NEB: variants seen among roughly 807,000 people sequenced by gnomAD.
NEB encodes nemaline myopathy type 2.
Under a neutral mutation model 952.2 loss-of-function variants are expected in NEB, and 512 were observed. The ratio of observed to expected loss-of-function variants is 0.54; its 90% CI spans 0.50 to 0.58. The LOEUF (loss-of-function observed/expected upper bound fraction) is 0.58, where lower values mean the gene tolerates loss of function less well. Among genes scored for constraint, NEB ranks in the 20% least tolerant of loss-of-function variants. The pLI, the probability that NEB is intolerant of heterozygous loss-of-function variation, is 0.00. For missense variants in NEB, 8,428 were observed against 9,231.1 expected, an observed-to-expected ratio of 0.91 and a Z score of 3.56; for synonymous variants, 2,900 against 3,149.8, an observed-to-expected ratio of 0.92 and a Z score of 2.66.
rs1451770604 is a variant in NEB, at chr2:151,662,261, G to A, written c.5844C>T (p.Asn1948=). The change falls in exon 46 of 182, where the codon AAC becomes AAT. Residue 1948 remains asparagine, a synonymous_variant. Transcript: ENST00000397345. ...LPLGSLEAEK[N]KKAMEIISEK... Reference sequence around the variant, plus strand: ...CACTAATAATCTCCATGGCTTTCTTGTTTTTCTCTGCTTCCAGGGAGCCCA... The same window carrying A: ...CACTAATAATCTCCATGGCTTTCTTATTTTTCTCTGCTTCCAGGGAGCCCA... The A allele has an allele frequency of 6.2e-7, 1 of 1,613,588 alleles. No homozygotes were observed. Among genetic ancestry groups the A allele is most frequent in the Admixed American group, 1.7e-5 (1 of 59,988 alleles).
In NEB at chr2:151,505,037, C is replaced by G. The variant is rs555564051; in HGVS notation, c.23742+441G>C. Among the ~76,000 whole-genome samples the G allele has an allele frequency of 1.4e-3, 217 of 152,238 alleles. 1 individual carries two copies. The highest frequency in any genetic ancestry group is 5.0e-3 in the African/African-American group (207 of 41,536). On this transcript the variant is annotated intron_variant, in intron 165 of 181. Coordinates refer to ENST00000397345, the MANE Select transcript of NEB (RefSeq NM_001164508.2). ...TTTGGACACTGGGAATCCTATCATT[C>G]ATATGATGTGTCATACATACACACA... is the stretch of plus-strand genomic sequence containing the variant.
At chr2:151,562,240 T>C in intron 120 of NEB, 26 bp from the exon 121 acceptor site, 7 of 1,523,010 alleles carry the variant, frequency 4.6e-6, no homozygotes, top group Non-Finnish European at 6.4e-6. Context: ...AACAATGAAA[T>C]GTGGAAGGTA....
rs774684803 is a variant in NEB at position 151,692,133 on chromosome 2, A to C, written c.2032T>G (p.Leu678Val). 6.2e-7 allele frequency: 1 copy of C among 1,613,972 alleles called. No homozygotes were observed. Among genetic ancestry groups the C allele is most frequent in the Non-Finnish European group, 8.5e-7 (1 of 1,179,850 alleles). ...TCCATGCTGCCTACATAATGTCCCAAAACATCCTTTACATATAAGTCTTTA... is the reference window on the plus strand; with the variant it reads ...TCCATGCTGCCTACATAATGTCCCACAACATCCTTTACATATAAGTCTTTA... ...RYKDLYVKDV[L>V]GHYVGSMEDP... The change falls in exon 22 of 182, where the codon TTG becomes GTG. Residue 678 changes from leucine to valine, a missense_variant. Transcript: ENST00000397345.
intron 156 of NEB, among the ~76,000 whole-genome samples, chr2:151,518,004 A>T (rs778682445): frequency 2.0e-4 from 30 of 152,230 alleles, no homozygotes; most frequent in Non-Finnish European, 3.7e-4. Flanking sequence ...AATCTACTGT[A>T]GTGTTCCCTA....
intron 18 of NEB, among the ~76,000 whole-genome samples, 189 bp downstream of exon 18, chr2:151,695,389 A>G (rs766070878): frequency 2.0e-5 from 3 of 152,240 alleles, no homozygotes; most frequent in Non-Finnish European, 2.9e-5. Flanking sequence ...GAAATTACTT[A>G]TAAGATTGCT....
intron 60 of NEB, among the ~76,000 whole-genome samples, chr2:151,641,529 C>A (rs1238497554): frequency 6.6e-6 from 1 of 152,112 alleles, no homozygotes; most frequent in Non-Finnish European, 1.5e-5. Flanking sequence ...TAGTGCCTTG[C>A]TATGTTGACC....
Position 151,679,992 on chromosome 2 carries a change from T to C in NEB, c.3073A>G (p.Ile1025Val). The C allele has an allele frequency of 6.2e-7, 1 of 1,612,716 alleles. No individual in the cohort carries two copies. The highest frequency in any genetic ancestry group is 1.1e-5 in the South Asian group (1 of 91,074). ...IAYKAKGEEI[I>V]HKYNLPPDLP... ...TCTGGTGGCAGGTTGTATTTGTGAA[T>C]AATTTCCTCTCCTTTGGCTTTGTAA... Residue 1025 changes from isoleucine to valine, a missense_variant, in exon 31 of 182, where the codon ATT becomes GTT. Ile to Val is a conservative substitution (Grantham distance 29). Transcript: ENST00000397345.
At chr2:151,675,454 A>G in intron 34 of NEB, 63 bp from the exon 35 acceptor site, 1 of 1,099,412 alleles carries the variant, frequency 9.1e-7, no homozygotes. Context: ...TGCTTTAAAG[A>G]GTTATTTTTA....
intron 71 of NEB, among the ~76,000 whole-genome samples, chr2:151,622,400 CACTT>C (rs2098436707): frequency 2.0e-5 from 3 of 152,142 alleles, no homozygotes; most frequent in East Asian, 1.9e-4. Context: ...TATATTATCA[CACTT>C]AGTCAAATAT....
In NEB at chr2:151,562,742, G is replaced by C. The variant is rs770107861; in HGVS notation, c.18760C>G (p.His6254Asp). Residue 6254 changes from histidine to aspartate, a missense_variant, in exon 120 of 182, where the codon CAC becomes GAC. Coordinates refer to ENST00000397345, the MANE Select transcript of NEB (RefSeq NM_001164508.2). The stretch of plus-strand genomic sequence containing the variant: ...TACTGGCACCTTTTAGCCAGCACGT[G>C]ATTCATCATGTCATTGGGGATATGA... The part of the protein sequence containing the change: ...NVHIPNDMMN[H>D]VLAKRCQYIL... 1 of 1,601,064 alleles carries C rather than the reference G, an allele frequency of 6.2e-7. No homozygotes were observed. The highest frequency in any genetic ancestry group is 1.1e-5 in the South Asian group (1 of 88,574).
intron 166 of NEB, 21 bp downstream of exon 166, chr2:151,503,328 A>G (rs764153053): frequency 6.5e-7 from 1 of 1,528,002 alleles, no homozygotes; most frequent in South Asian, 1.1e-5. Flanking sequence ...ATAGTTTCTT[A>G]TATGATATAT....
chr2:151,567,323 T>C lies in NEB; in HGVS notation c.18001A>G (p.Asn6001Asp), dbSNP rs149563358. 1 of 1,613,952 alleles carries C rather than the reference T, an allele frequency of 6.2e-7. No individual in the cohort carries two copies. Among genetic ancestry groups the C allele is most frequent in the Non-Finnish European group, 8.5e-7 (1 of 1,179,850 alleles). Residue 6001 changes from asparagine to aspartate, a missense_variant, in exon 114 of 182, where the codon AAT becomes GAT. This residue lies in a region of NEB where 3,374 missense variants were observed against 3,651.5 expected (regional missense o/e 0.92). Transcript: ENST00000397345. ...EDYHKTKAKI[N>D]IPADMVSVLA... Reference sequence around the variant, plus strand: ...ACTGACACCATATCAGCAGGTATATTGATTTTGGCCTTTGTTTTGTGATAG... The same window carrying C: ...ACTGACACCATATCAGCAGGTATATCGATTTTGGCCTTTGTTTTGTGATAG...
chr2:151,649,279 G>A (rs2099001996), intron 54 of NEB, among the ~76,000 whole-genome samples: 2 of 152,202 alleles, frequency 1.3e-5, no homozygotes, highest in South Asian at 4.1e-4. Flanking sequence ...TAAAAAGTCT[G>A]TGAGGGGTTA....
At chr2:151,729,544 G>T in intron 4 of NEB, 71 bp downstream of exon 4, 1 of 1,537,566 alleles carries the variant, frequency 6.5e-7, no homozygotes, top group South Asian at 1.1e-5. Context: ...GGCCCTGGGA[G>T]TCTAAGAAAG....
At chr2:151,567,081 T>C in intron 114 of NEB, 87 bp downstream of exon 114, 1 of 1,208,740 alleles carries the variant, frequency 8.3e-7, no homozygotes, top group South Asian at 1.7e-5. Flanking sequence ...GCCTCAAATT[T>C]CAAGCACTTG....
chr2:151,635,151 GAGTA>G (rs1440036584), intron 64 of NEB, among the ~76,000 whole-genome samples: 1 of 152,170 alleles, frequency 6.6e-6, no homozygotes, highest in Non-Finnish European at 1.5e-5. Context: ...CAATTATGAA[GAGTA>G]AGTGAGACAA....
intron 138 of NEB, among the ~76,000 whole-genome samples, chr2:151,540,129 G>T (rs1250285872): frequency 6.6e-6 from 1 of 152,126 alleles, no homozygotes; most frequent in African/African-American, 2.4e-5. Context: ...TTTTTATTCA[G>T]GAGAGAATTG....
At chr2:151,570,931 A>G (rs1372113332) in intron 107 of NEB, among the ~76,000 whole-genome samples, 1 of 152,234 alleles carries the variant, frequency 6.6e-6, no homozygotes, top group Non-Finnish European at 1.5e-5. Context: ...AATGGGTAAT[A>G]GTCACATGAG....
rs761057549 is a variant in NEB, at chr2:151,654,082, T to A, written c.6825A>T (p.Gly2275=). The A allele has an allele frequency of 2.9e-5, 46 of 1,605,846 alleles. No individual in the cohort carries two copies. The highest frequency in any genetic ancestry group is 3.5e-5 in the Non-Finnish European group (41 of 1,175,976). ...AGCCTTTCTTCAAAGCTTCTTCCCA[T>A]CCAAGTTTATAGAGTTTCTGAAAAT... is the stretch of plus-strand genomic sequence containing the variant. The part of the protein sequence containing the change: ...TLYSQKLYKL[G]WEEALKKGYD... Residue 2275 remains glycine, a synonymous_variant, in exon 52 of 182, where the codon GGA becomes GGT. Coordinates refer to ENST00000397345, the MANE Select transcript of NEB (RefSeq NM_001164508.2).
Sources: allele counts gnomAD v4.1 joint callset (sites outside exome capture counted in the v4.1 genomes callset), GRCh38; gene constraint gnomAD v4.1.1; regional missense constraint gnomAD v4.1.1; transcripts MANE v1.5; gene names NCBI Gene and HGNC (gene_info 2026-07-23, HGNC 2026-07-21).